The following NFATC1 variants were observed in gnomAD, a reference collection of about 807,000 sequenced individuals.
The protein encoded by NFATC1 is nuclear factor of activated T cells 1, also known as nuclear factor of activated T-cells, cytoplasmic 1.
NFATC1 carries 22 observed loss-of-function variants against 76.0 expected under a neutral mutation model. The ratio of observed to expected loss-of-function variants is 0.29; its 90% CI spans 0.21 to 0.41. The LOEUF (loss-of-function observed/expected upper bound fraction) is 0.41, where lower values mean the gene tolerates loss of function less well. NFATC1 is among the 10% of genes least tolerant of loss of function. NFATC1 has a pLI of 1.00. For missense variants in NFATC1, 1,357 were observed against 1,337.7 expected, an observed-to-expected ratio of 1.01 and a Z score of -0.23; for synonymous variants, 704 against 613.1, an observed-to-expected ratio of 1.15 and a Z score of -2.19.
At chr18:79,483,123 A>C (rs1297631329) in intron 8 of NFATC1, among the ~76,000 whole-genome samples, 30 of 66,682 alleles carry the variant, frequency 4.5e-4, no homozygotes, top group South Asian at 1.3e-3. Flanking sequence ...CCTGGGGTGT[A>C]ATTCCAGCGT....
intron 3 of NFATC1, chr18:79,448,452 T>C (rs2087311077): frequency 2.7e-6 from 1 of 367,176 alleles, no homozygotes; most frequent in South Asian, 3.3e-5. Context: ...GAAGCGAGCC[T>C]TGCACATGGC....
intron 2 of NFATC1, among the ~76,000 whole-genome samples, chr18:79,432,308 GGTGCTCGGGGT>G (rs2086618134): frequency 1.7e-5 from 1 of 59,072 alleles, no homozygotes; most frequent in Admixed American, 2.0e-4. Context: ...CCCGGCCCAC[GGTGCTCGGGGT>G]GAGCCTGTGT....
In NFATC1 at chr18:79,396,118, A is replaced by C; in HGVS notation, c.-107A>C. On this transcript the variant is annotated 5_prime_UTR_variant, in exon 1 of 10. The change abolishes the stop of an existing upstream ORF in the 5' untranslated region. Coordinates refer to ENST00000427363, the MANE Select transcript of NFATC1 (RefSeq NM_001278669.2). ...CTTTCCTCCGGGGCGCGCGGCGCTG[A>C]GCCCGGGGCGAGGGCTGTCTTCCCG... The C allele has an allele frequency of 8.3e-7, 1 of 1,198,476 alleles. No homozygotes were observed. The highest frequency in any genetic ancestry group is 1.0e-6 in the Non-Finnish European group (1 of 954,184). 74.2% of individuals were successfully genotyped at this position (1,198,476 alleles called of 1,614,324 possible).
intron 9 of NFATC1, among the ~76,000 whole-genome samples, chr18:79,521,119 C>T (rs1290422730): frequency 8.0e-5 from 5 of 62,848 alleles, no homozygotes; most frequent in Non-Finnish European, 1.4e-4. Flanking sequence ...GTGTGGGGGG[C>T]GTCTGCTGAT....
chr18:79,404,383 G>T (rs527814931), intron 1 of NFATC1, among the ~76,000 whole-genome samples: 1 of 152,354 alleles, frequency 6.6e-6, no homozygotes, highest in Non-Finnish European at 1.5e-5. Flanking sequence ...CTGTCATGCC[G>T]CGGGCCTGAC....
At chr18:79,481,575 G>T (rs969702651) in intron 8 of NFATC1, among the ~76,000 whole-genome samples, 8 of 152,246 alleles carry the variant, frequency 5.3e-5, no homozygotes, top group Non-Finnish European at 1.0e-4. Context: ...CATTCAGGTG[G>T]CTGAAGGCAG....
intron 1 of NFATC1, chr18:79,400,416 T>C: frequency 6.7e-7 from 1 of 1,492,568 alleles, no homozygotes. Flanking sequence ...GGACCAGGAG[T>C]TCGACTTCGA....
At chr18:79,427,157 C>T (rs1459351131) in intron 2 of NFATC1, among the ~76,000 whole-genome samples, 7 of 152,204 alleles carry the variant, frequency 4.6e-5, no homozygotes, top group Non-Finnish European at 4.4e-5. Context: ...CGTGTACCCA[C>T]GTGTCCGATG....
chr18:79,440,570 T>A (rs1348822470), intron 3 of NFATC1, among the ~76,000 whole-genome samples: 2 of 152,192 alleles, frequency 1.3e-5, no homozygotes, highest in South Asian at 2.1e-4. Context: ...CCAGCAGGTG[T>A]CCAGTGACCG....
At chr18:79,509,427 G>T (rs1201967278) in intron 9 of NFATC1, among the ~76,000 whole-genome samples, 1 of 152,224 alleles carries the variant, frequency 6.6e-6, no homozygotes, top group Non-Finnish European at 1.5e-5. Context: ...TGGACAGTGG[G>T]CGGCGAGGGG....
In NFATC1 at chr18:79,527,374, A is replaced by G. The variant is rs964442157; in HGVS notation, c.2783-154A>G. On this transcript the variant is annotated intron_variant, in intron 9 of 9. Coordinates refer to ENST00000427363, the MANE Select transcript of NFATC1 (RefSeq NM_001278669.2). ...AGCCAGGCACTGGCTCACGACACTC[A>G]TGGACCAGGGTGGGACCGAGGAGGA... The G allele has an allele frequency of 1.1e-5, 7 of 639,076 alleles. No homozygotes were observed. The African/African-American group carries it at 1.3e-4, about 12-fold the overall frequency. 39.6% of individuals were successfully genotyped at this position (639,076 alleles called of 1,614,324 possible).
In NFATC1 at chr18:79,528,799, G is replaced by C. The variant is rs561558586; in HGVS notation, c.*1222G>C. ...TTTTCAGATGAGTTACTGTTAACAG[G>C]TAGGTTTGTGTAGGCCTTGCTGGGC... On this transcript the variant is annotated 3_prime_UTR_variant, in exon 10 of 10. Transcript: ENST00000427363. 1 of 152,470 alleles carries C rather than the reference G, an allele frequency of 6.6e-6. No individual in the cohort carries two copies. The highest frequency in any genetic ancestry group is 2.4e-5 in the African/African-American group (1 of 41,454). The allele number at this position is 152,470 out of a possible 1,614,324, so 9.4% of individuals were successfully genotyped here.
intron 4 of NFATC1, among the ~76,000 whole-genome samples, 178 bp downstream of exon 4, chr18:79,449,162 T>C (rs903844563): frequency 2.0e-5 from 3 of 152,212 alleles, no homozygotes; most frequent in African/African-American, 7.2e-5. Context: ...GATTTGCTTC[T>C]CTCTAGGGTT....
chr18:79,411,550 GCGGGGCGGAACGCGGGGAGCGGGA>G (rs1279024617), intron 2 of NFATC1, 49 bp downstream of exon 2: 70 of 1,321,406 alleles, frequency 5.3e-5, no homozygotes, highest in Middle Eastern at 2.1e-4. Context: ...GAGGCGCGGG[GCGGGGCGGAACGCGGGGAGCGGGA>G]CGGGGGGCGG....
chr18:79,425,143 CTG>C (rs1340159348), intron 2 of NFATC1, among the ~76,000 whole-genome samples: 2 of 151,544 alleles, frequency 1.3e-5, no homozygotes, highest in African/African-American at 4.9e-5. Flanking sequence ...CTCTGCCTCT[CTG>C]TGTCTCTCTC....
intron 4 of NFATC1, 144 bp downstream of exon 4, chr18:79,449,128 A>G: frequency 1.4e-6 from 1 of 720,748 alleles, no homozygotes; most frequent in East Asian, 2.7e-5. Flanking sequence ...CAATAAGTAA[A>G]CTTCACTCTT....
At chr18:79,425,289 C>CTG (rs1600673272) in intron 2 of NFATC1, among the ~76,000 whole-genome samples, 2 of 120,744 alleles carry the variant, frequency 1.7e-5, no homozygotes, top group Non-Finnish European at 1.7e-5. Flanking sequence ...GTCTGTCTTT[C>CTG]TTTCTTACTC....
rs117070095 is a variant in NFATC1, at chr18:79,518,943, C to T, written c.2783-8585C>T. ...TCTCCGTGTGAGATGCTGAAGAGTC[C>T]GCCCATTCACAGAGCAGAACGGGGT... On this transcript the variant is annotated intron_variant, in intron 9 of 9. Coordinates refer to ENST00000427363, the MANE Select transcript of NFATC1 (RefSeq NM_001278669.2). 7.4e-3 allele frequency among the ~76,000 whole-genome samples: 1,122 copies of T among 152,320 alleles called. 12 individuals are homozygous for T. The highest frequency in any genetic ancestry group is 0.01 in the Non-Finnish European group (695 of 68,026).
intron 9 of NFATC1, among the ~76,000 whole-genome samples, chr18:79,507,678 A>C (rs2090147178): frequency 6.6e-6 from 1 of 152,222 alleles, no homozygotes; most frequent in South Asian, 2.1e-4. Context: ...GAGCCCTAGA[A>C]AGGACACCAG....
Sources: allele counts gnomAD v4.1 joint callset (sites outside exome capture counted in the v4.1 genomes callset), GRCh38; gene constraint gnomAD v4.1.1; transcripts MANE v1.5; gene names NCBI Gene and HGNC (gene_info 2026-07-23, HGNC 2026-07-21).